Variants in SH3BP5 observed in about 807,000 individuals in gnomAD.
The protein encoded by SH3BP5 is SH3 domain binding protein 5, also known as SH3 domain-binding protein 5.
SH3BP5 carries 22 observed loss-of-function variants against 43.3 expected under a neutral mutation model. That is an observed-to-expected ratio of 0.51 (90% CI 0.36 to 0.73). The LOEUF (loss-of-function observed/expected upper bound fraction) is 0.73, where lower values mean the gene tolerates loss of function less well. Among genes scored for constraint, SH3BP5 ranks in the 30% least tolerant of loss-of-function variants. SH3BP5 has a pLI of 0.00. For synonymous variants in SH3BP5, 255 were observed against 225.8 expected, an observed-to-expected ratio of 1.13 and a Z score of -1.16; for missense variants, 529 against 586.9, an observed-to-expected ratio of 0.90 and a Z score of 1.02.
chr3:15,325,545 G>A (rs138687773), intron 2 of SH3BP5, among the ~76,000 whole-genome samples: 2 of 152,244 alleles, frequency 1.3e-5, no homozygotes, highest in South Asian at 2.1e-4. Flanking sequence ...CCAGCTCTTT[G>A]CCTCCTTTGT....
intron 1 of SH3BP5, among the ~76,000 whole-genome samples, chr3:15,331,397 C>A (rs1259749679): frequency 6.6e-6 from 1 of 152,074 alleles, no homozygotes; most frequent in Admixed American, 6.5e-5. Flanking sequence ...CCAGAAATTA[C>A]AGAGCATGCT....
At chr3:15,262,465 C>G (rs1339262515) in intron 4 of SH3BP5, among the ~76,000 whole-genome samples, 176 bp from the exon 5 acceptor site, 1 of 152,080 alleles carries the variant, frequency 6.6e-6, no homozygotes, top group Non-Finnish European at 1.5e-5. Context: ...CGGGACCATC[C>G]TAGCCAACAT....
At chr3:15,339,537 C>A (rs1468020617) in intron 1 of SH3BP5, among the ~76,000 whole-genome samples, 1 of 151,954 alleles carries the variant, frequency 6.6e-6, no homozygotes, top group African/African-American at 2.4e-5. Context: ...TATGGTAAAA[C>A]CATCTCTACT....
In SH3BP5 at chr3:15,304,224, C is replaced by T. The variant is rs751192427; in HGVS notation, c.209G>A (p.Arg70His). 1.9e-6 allele frequency: 3 copies of T among 1,614,158 alleles called. No individual in the cohort carries two copies. Among genetic ancestry groups the T allele is most frequent in the South Asian group, 1.1e-5 (1 of 91,090 alleles). Residue 70 changes from arginine (R) to histidine (H), a missense_variant, in exon 3 of 9, where the codon CGT (arginine) becomes CAT (histidine). Physicochemically the swap from Arg to His is conservative, Grantham distance 29 (BLOSUM62 0). Coordinates refer to ENST00000383791, the MANE Select transcript of SH3BP5 (RefSeq NM_004844.5). ...NRRETELEDARQKFRSVLVEA... is the reference protein window; with the variant it reads ...NRRETELEDAHQKFRSVLVEA... ...AACCAGAACAGAGCGGAACTTCTGA[C>T]GAGCATCCTGCAGCCAGGGGAAACC...
intron 3 of SH3BP5, among the ~76,000 whole-genome samples, chr3:15,298,097 C>T (rs1697627496): frequency 6.6e-6 from 1 of 151,892 alleles, no homozygotes; most frequent in South Asian, 2.1e-4. Context: ...CTGCCTCTGC[C>T]TCCTGAGTAG....
chr3:15,338,379 A>C (rs1698726875), intron 1 of SH3BP5, among the ~76,000 whole-genome samples: 1 of 152,236 alleles, frequency 6.6e-6, no homozygotes, highest in Non-Finnish European at 1.5e-5. Context: ...ATGCTTCGTA[A>C]CTACCTGTTA....
chr3:15,276,800 T>C (rs753516967), intron 3 of SH3BP5, among the ~76,000 whole-genome samples: 3 of 152,240 alleles, frequency 2.0e-5, no homozygotes, highest in African/African-American at 4.8e-5. Context: ...AAAATAATCA[T>C]AGCAGTTACT....
At position 15,293,968 on chromosome 3, in the gene SH3BP5, C is replaced by G. The variant is rs550964477; in HGVS notation, c.330+10135G>C. 2.0e-5 allele frequency among the ~76,000 whole-genome samples: 3 copies of G among 151,182 alleles called. No individual in the cohort carries two copies. The South Asian group carries it at 6.2e-4, about 31-fold the overall frequency. ...TGGTGTGCACCTGTAGTCTCAGCTACTCGGGAGGCTGAGACAGAAGAATCG... is the reference window on the plus strand; with the variant it reads ...TGGTGTGCACCTGTAGTCTCAGCTAGTCGGGAGGCTGAGACAGAAGAATCG... On this transcript the variant is annotated intron_variant, in intron 3 of 8. Coordinates refer to ENST00000383791, the MANE Select transcript of SH3BP5 (RefSeq NM_004844.5).
intron 3 of SH3BP5, among the ~76,000 whole-genome samples, chr3:15,296,209 G>A (rs1281983104): frequency 6.6e-6 from 1 of 152,056 alleles, no homozygotes; most frequent in Non-Finnish European, 1.5e-5. Context: ...TGGGGCTCCT[G>A]GAGGATACAG....
intron 5 of SH3BP5, chr3:15,260,167 T>C (rs1181496188): frequency 3.4e-5 from 9 of 263,042 alleles, no homozygotes. Context: ...TCTGCTCTCC[T>C]AATGAAGTTG....
Position 15,258,686 on chromosome 3 carries a change from T to C in SH3BP5, c.889+145A>G, listed in dbSNP as rs1696314668. 4.7e-6 allele frequency: 3 copies of C among 643,934 alleles called. No homozygotes were observed. The Admixed American group carries it at 8.7e-5, about 19-fold the overall frequency. The allele number at this position is 643,934 out of a possible 1,614,324, so 39.9% of individuals were successfully genotyped here. On this transcript the variant is annotated intron_variant, in intron 7 of 8. Transcript: ENST00000383791. Reference sequence around the variant, plus strand: ...CCTTCTTAATGAACACAGTGTTCCATAAAACATGGGAACCCACCAGAAATA... The same window carrying C: ...CCTTCTTAATGAACACAGTGTTCCACAAAACATGGGAACCCACCAGAAATA...
At chr3:15,332,625 A>C (rs886150925), upstream of SH3BP5, 1 of 1,181,366 alleles carries the variant, frequency 8.5e-7, no homozygotes. Flanking sequence ...CGCGGCAGTC[A>C]GCGCAGCGCC....
chr3:15,268,606 C>T lies in SH3BP5; in HGVS notation c.495+1107G>A, dbSNP rs563571654. Among the ~76,000 whole-genome samples, 4 of 152,212 alleles carry T rather than the reference C, an allele frequency of 2.6e-5. No individual in the cohort carries two copies. The East Asian group carries it at 7.7e-4, about 29-fold the overall frequency. On this transcript the variant is annotated intron_variant, in intron 4 of 8. Coordinates refer to ENST00000383791, the MANE Select transcript of SH3BP5 (RefSeq NM_004844.5). ...GAGCCTGGGCAGCCCAGGAGCCAAGCCTGGAAGGGGGAAGAGGTATCCAGG... is the reference window on the plus strand; with the variant it reads ...GAGCCTGGGCAGCCCAGGAGCCAAGTCTGGAAGGGGGAAGAGGTATCCAGG...
intron 4 of SH3BP5, among the ~76,000 whole-genome samples, chr3:15,263,967 C>T (rs190852955): frequency 1.4e-3 from 217 of 152,290 alleles, no homozygotes; most frequent in African/African-American, 4.5e-3. Context: ...CTCTCTCAGA[C>T]CCCGTAGAAC....
chr3:15,288,500 G>A (rs1430651050), intron 3 of SH3BP5, among the ~76,000 whole-genome samples: 1 of 152,228 alleles, frequency 6.6e-6, no homozygotes, highest in Non-Finnish European at 1.5e-5. Flanking sequence ...GCTAACGCCT[G>A]TAATCCCAAC....
At chr3:15,262,484 C>A (rs565685589) in intron 4 of SH3BP5, among the ~76,000 whole-genome samples, 195 bp from the exon 5 acceptor site, 1 of 152,106 alleles carries the variant, frequency 6.6e-6, no homozygotes, top group South Asian at 2.1e-4. Context: ...ATGGTGAAAC[C>A]CGTCACTGCT....
intron 2 of SH3BP5, among the ~76,000 whole-genome samples, chr3:15,306,413 C>T (rs576895065): frequency 4.1e-4 from 62 of 152,038 alleles, no homozygotes; most frequent in Non-Finnish European, 8.1e-4. Flanking sequence ...ATGGCCAGGG[C>T]GGAAAGATCG....
At chr3:15,286,326 G>A (rs901250692) in intron 3 of SH3BP5, among the ~76,000 whole-genome samples, 3 of 152,172 alleles carry the variant, frequency 2.0e-5, no homozygotes, top group Non-Finnish European at 2.9e-5. Context: ...ATGTGAGCCC[G>A]GGTTCCTGGC....
At chr3:15,272,548 GTGCCTGT>G in intron 3 of SH3BP5, among the ~76,000 whole-genome samples, 1 of 114,706 alleles carries the variant, frequency 8.7e-6, no homozygotes, top group African/African-American at 4.7e-5. Context: ...ACAAAACAGA[GTGCCTGT>G]AGGATAAAGA....
Sources: gnomAD v4.1 joint callset for allele counts (sites outside exome capture counted in the v4.1 genomes callset) on GRCh38, gnomAD v4.1.1 for gene constraint, MANE v1.5 for transcripts, NCBI Gene and HGNC (gene_info 2026-07-23, HGNC 2026-07-21) for gene names.